The following EDIL3 variants were observed in gnomAD, a reference collection of about 807,000 sequenced individuals.
The protein encoded by EDIL3 is EGF like and discoidin domains 3, also known as EGF-like repeat and discoidin I-like domain-containing protein 3.
A neutral mutation model predicts 67.4 loss-of-function variants in EDIL3; 37 were observed. The observed-to-expected ratio is 0.55, with a 90% CI of 0.42 to 0.72. The LOEUF is 0.72. Among genes scored for constraint, EDIL3 ranks in the 30% least tolerant of loss-of-function variants. EDIL3 has a pLI of 0.00. For synonymous variants in EDIL3, 195 were observed against 196.3 expected, an observed-to-expected ratio of 0.99 and a Z score of 0.05; for missense variants, 527 against 586.3, an observed-to-expected ratio of 0.90 and a Z score of 1.04.
At chr5:84,092,839 G>A (rs573386936) in intron 6 of EDIL3, among the ~76,000 whole-genome samples, 143 of 152,212 alleles carry the variant, frequency 9.4e-4, no homozygotes, top group Admixed American at 1.7e-3. Context: ...AAGTGGGATA[G>A]GAGAAGGCAG....
At chr5:84,041,095 C>T (rs1227708942) in intron 9 of EDIL3, among the ~76,000 whole-genome samples, 6 of 151,710 alleles carry the variant, frequency 4.0e-5, no homozygotes, top group East Asian at 1.9e-4. Flanking sequence ...TGTGCCACTA[C>T]ACTCCAGCCT....
intron 10 of EDIL3, among the ~76,000 whole-genome samples, chr5:83,944,839 A>G (rs1744284957): frequency 6.6e-6 from 1 of 151,978 alleles, no homozygotes; most frequent in South Asian, 2.1e-4. Flanking sequence ...TCAAAACATA[A>G]CTATGTGGCC....
intron 1 of EDIL3, among the ~76,000 whole-genome samples, chr5:84,262,582 C>A (rs1328808738): frequency 6.7e-6 from 1 of 148,554 alleles, no homozygotes; most frequent in East Asian, 2.0e-4. Flanking sequence ...AACATGTAAT[C>A]CTTACAAAAT....
At chr5:84,031,583 C>T (rs1051585722) in intron 9 of EDIL3, among the ~76,000 whole-genome samples, 5 of 152,130 alleles carry the variant, frequency 3.3e-5, no homozygotes, top group Non-Finnish European at 5.9e-5. Flanking sequence ...CAAGAAGAGA[C>T]ACGAGAGGTT....
At chr5:84,332,195 C>T (rs1580082923) in intron 1 of EDIL3, among the ~76,000 whole-genome samples, 1 of 151,864 alleles carries the variant, frequency 6.6e-6, no homozygotes, top group African/African-American at 2.4e-5. Flanking sequence ...ATAATTAGAC[C>T]CCTCTTTACA....
rs755480616 is a variant in EDIL3, at chr5:84,293,715, G to T, written c.68-39503C>A. ...GTATTTTGCTTTGCCAGCTGTGGGA[G>T]GCTGGGGGAGGGGGGATTGTGGCTA... On this transcript the variant is annotated intron_variant, in intron 1 of 10. Coordinates refer to ENST00000296591, the MANE Select transcript of EDIL3 (RefSeq NM_005711.5). 2.4e-4 allele frequency among the ~76,000 whole-genome samples: 37 copies of T among 151,538 alleles called. 1 individual carries two copies. The highest frequency in any genetic ancestry group is 5.9e-5 in the Non-Finnish European group (4 of 67,998).
At chr5:84,371,336 T>G (rs892292023) in intron 1 of EDIL3, among the ~76,000 whole-genome samples, 5 of 144,640 alleles carry the variant, frequency 3.5e-5, no homozygotes, top group African/African-American at 1.3e-4. Context: ...TATATATATA[T>G]ATATATGTGT....
At chr5:84,077,663 C>G (rs114205790) in intron 6 of EDIL3, among the ~76,000 whole-genome samples, 1 of 152,056 alleles carries the variant, frequency 6.6e-6, no homozygotes, top group African/African-American at 2.4e-5. Context: ...TACCTCCCAC[C>G]GGGACCCTCC....
chr5:84,146,581 T>C (rs2112325673), intron 4 of EDIL3, among the ~76,000 whole-genome samples: 1 of 152,248 alleles, frequency 6.6e-6, no homozygotes, highest in Non-Finnish European at 1.5e-5. Context: ...AATACACTTT[T>C]CCCCAATCCC....
chr5:84,330,248 G>A (rs1257347673), intron 1 of EDIL3, among the ~76,000 whole-genome samples: 1 of 152,098 alleles, frequency 6.6e-6, no homozygotes, highest in Admixed American at 6.6e-5. Context: ...AAAGAGAAAA[G>A]GTTTAGCTCT....
In EDIL3 at chr5:84,025,186, C is replaced by A. The variant is rs1376713404; in HGVS notation, c.1137+35114G>T. Among the ~76,000 whole-genome samples, 4 of 152,270 alleles carry A rather than the reference C, an allele frequency of 2.6e-5. No homozygotes were observed. In the East Asian group the frequency reaches 7.7e-4, roughly 29 times the overall value. The stretch of plus-strand genomic sequence containing the variant: ...AATCTCTCTAAACATCAGCTTCTTT[C>A]TCTACAGCATTTTCCTCTAGTCCAG... On this transcript the variant is annotated intron_variant, in intron 9 of 10. Transcript: ENST00000296591.
intron 4 of EDIL3, among the ~76,000 whole-genome samples, chr5:84,151,367 G>T (rs932839632): frequency 2.0e-5 from 3 of 151,632 alleles, no homozygotes; most frequent in African/African-American, 4.9e-5. Flanking sequence ...ATTCACAAAA[G>T]AAAGGTTTTT....
intron 1 of EDIL3, among the ~76,000 whole-genome samples, chr5:84,335,262 T>C (rs556118581): frequency 1.3e-5 from 2 of 152,140 alleles, no homozygotes; most frequent in Non-Finnish European, 2.9e-5. Flanking sequence ...CTGTTACAAG[T>C]TTTCCCCTTC....
intron 1 of EDIL3, among the ~76,000 whole-genome samples, chr5:84,275,817 C>T (rs767349331): frequency 6.6e-6 from 1 of 152,198 alleles, no homozygotes; most frequent in Non-Finnish European, 1.5e-5. Context: ...ATGATTTTGA[C>T]AAATGCATGC....
intron 1 of EDIL3, among the ~76,000 whole-genome samples, chr5:84,303,883 C>T (rs1036076958): frequency 3.3e-5 from 5 of 149,796 alleles, no homozygotes; most frequent in Non-Finnish European, 7.4e-5. Context: ...CATGCCCACA[C>T]ATGTGTCTAT....
intron 1 of EDIL3, among the ~76,000 whole-genome samples, chr5:84,371,765 C>T (rs1474337699): frequency 6.6e-6 from 1 of 151,808 alleles, no homozygotes; most frequent in Non-Finnish European, 1.5e-5. Context: ...AAGGCAAATG[C>T]AGCATAAAAT....
chr5:83,987,854 G>GTGTGTGT (rs1745079883), intron 9 of EDIL3, among the ~76,000 whole-genome samples: 1 of 113,024 alleles, frequency 8.8e-6, no homozygotes, highest in African/African-American at 3.2e-5. Context: ...CAGCTGATAG[G>GTGTGTGT]GTGTGTGTGT....
intron 6 of EDIL3, among the ~76,000 whole-genome samples, chr5:84,071,229 A>C (rs1746735147): frequency 6.6e-6 from 1 of 152,236 alleles, no homozygotes; most frequent in Admixed American, 6.5e-5. Context: ...TAATTCTGCT[A>C]TAAGGTATCC....
chr5:84,034,152 A>T (rs1053232837), intron 9 of EDIL3, among the ~76,000 whole-genome samples: 2 of 152,218 alleles, frequency 1.3e-5, no homozygotes, highest in African/African-American at 2.4e-5. Context: ...TATTTCCTAA[A>T]TAGTTGCATC....
Sources: gnomAD v4.1 joint callset for allele counts (sites outside exome capture counted in the v4.1 genomes callset) on GRCh38, gnomAD v4.1.1 for gene constraint, MANE v1.5 for transcripts, NCBI Gene and HGNC (gene_info 2026-07-23, HGNC 2026-07-21) for gene names.